TDP1: variants seen among roughly 807,000 people sequenced by gnomAD.
TDP1 encodes tyrosyl-DNA phosphodiesterase 1.
TDP1 carries 64 observed loss-of-function variants against 81.5 expected under a neutral mutation model. The observed-to-expected ratio is 0.79, with a 90% confidence interval of 0.64 to 0.97. TDP1 has a LOEUF of 0.97. TDP1 is among the 50% of genes least tolerant of loss of function. The pLI is 0.00. For missense variants in TDP1, 723 were observed against 743.8 expected, an observed-to-expected ratio of 0.97 and a Z score of 0.33; for synonymous variants, 256 against 264.3, an observed-to-expected ratio of 0.97 and a Z score of 0.30.
In TDP1 at chr14:90,026,761, C is replaced by T. The variant is rs545891119; in HGVS notation, c.1645-6345C>T. 3.9e-5 allele frequency among the ~76,000 whole-genome samples: 6 copies of T among 152,296 alleles called. No homozygotes were observed. In the East Asian group the frequency reaches 9.7e-4, roughly 25 times the overall value. On this transcript the variant is annotated intron_variant, in intron 15 of 16. Coordinates refer to ENST00000335725, the MANE Select transcript of TDP1 (RefSeq NM_018319.4). Reference sequence around the variant, plus strand: ...TGCTGAGAATGATGGTTTCCAGCTTCATCCATGTCCCTACAAAGGACATGA... The same window carrying T: ...TGCTGAGAATGATGGTTTCCAGCTTTATCCATGTCCCTACAAAGGACATGA...
chr14:89,962,838 C>A, intron 2 of TDP1: 1 of 848,708 alleles, frequency 1.2e-6, no homozygotes, highest in Non-Finnish European at 1.4e-6. Context: ...AACCACTGCA[C>A]CACTCCAGCT....
At chr14:89,973,886 G>C (rs1399930086) in intron 6 of TDP1, among the ~76,000 whole-genome samples, 1 of 152,088 alleles carries the variant, frequency 6.6e-6, no homozygotes, top group African/African-American at 2.4e-5. Context: ...CCAGCTTATA[G>C]ATGGCCACGT....
At chr14:90,014,492 C>G (rs79551611) in intron 14 of TDP1, among the ~76,000 whole-genome samples, 8,264 of 152,212 alleles carry the variant, frequency 0.054, 371 homozygotes, top group African/African-American at 0.12. Flanking sequence ...AGTACAGCTG[C>G]TTGGTCTCCA....
Position 89,995,217 on chromosome 14 carries a change from T to C in TDP1, c.1541+1734T>C, listed in dbSNP as rs34597173. On this transcript the variant is annotated intron_variant, in intron 14 of 16. Coordinates refer to ENST00000335725, the MANE Select transcript of TDP1 (RefSeq NM_018319.4). ...ATGAATAGCAACAACATTCATTCAG[T>C]AATTTCAATATGCCAGACTGTTCTG... Among the ~76,000 whole-genome samples, 903 of 152,350 alleles carry C rather than the reference T, an allele frequency of 5.9e-3. 6 individuals are homozygous for C. Among genetic ancestry groups the C allele is most frequent in the African/African-American group, 0.021 (867 of 41,580 alleles).
At chr14:89,973,569 C>T (rs781615923) in intron 6 of TDP1, among the ~76,000 whole-genome samples, 1 of 152,136 alleles carries the variant, frequency 6.6e-6, no homozygotes, top group Non-Finnish European at 1.5e-5. Flanking sequence ...TTTCTAGCAA[C>T]GTGAGTCATT....
At chr14:90,036,151 AAATAAT>A (rs748824685) in intron 16 of TDP1, among the ~76,000 whole-genome samples, 1 of 152,148 alleles carries the variant, frequency 6.6e-6, no homozygotes, top group Admixed American at 6.5e-5. Flanking sequence ...GCTTAAGCTA[AAATAAT>A]AATAATAAAT....
intron 3 of TDP1, 116 bp from the exon 4 acceptor site, chr14:89,966,031 T>TTAC: frequency 1.0e-6 from 1 of 991,990 alleles, no homozygotes; most frequent in East Asian, 2.4e-5. Flanking sequence ...ACTGTTTAGC[T>TTAC]TACTGTGTTC....
At position 89,975,776 on chromosome 14, in the gene TDP1, C is replaced by T. The variant is rs960881303; in HGVS notation, c.757-5C>T. 1 of 1,610,956 alleles carries T rather than the reference C, an allele frequency of 6.2e-7. No individual in the cohort carries two copies. Among genetic ancestry groups the T allele is most frequent in the African/African-American group, 1.3e-5 (1 of 74,868 alleles). On this transcript the variant is annotated splice_region_variant and splice_polypyrimidine_tract_variant and intron_variant, in intron 6 of 16. Coordinates refer to ENST00000335725, the MANE Select transcript of TDP1 (RefSeq NM_018319.4). ...TTTAAATAAATGACTTCTTTTTCAT[C>T]CTAGGCAAAGTTGGATATTGCGTTT...
intron 15 of TDP1, among the ~76,000 whole-genome samples, chr14:90,031,334 C>A (rs1460553033): frequency 6.7e-6 from 1 of 149,360 alleles, no homozygotes; most frequent in Non-Finnish European, 1.5e-5. Flanking sequence ...GTTCAGTTCC[C>A]ACCTATGAGT....
Position 89,984,695 on chromosome 14 carries a change from C to T in TDP1, c.1052+12C>T. ...CTCTCTGAAACAAAGTATGTGTCAG[C>T]TTATCAATTTGGGGTGCTTATGATA... On this transcript the variant is annotated intron_variant, in intron 9 of 16. Coordinates refer to ENST00000335725, the MANE Select transcript of TDP1 (RefSeq NM_018319.4). 1 of 1,613,128 alleles carries T rather than the reference C, an allele frequency of 6.2e-7. No individual in the cohort carries two copies. Among genetic ancestry groups the T allele is most frequent in the Middle Eastern group, 1.6e-4 (1 of 6,062 alleles).
At chr14:90,001,459 C>T (rs1475733280) in intron 14 of TDP1, among the ~76,000 whole-genome samples, 1 of 152,120 alleles carries the variant, frequency 6.6e-6, no homozygotes, top group Non-Finnish European at 1.5e-5. Context: ...TTAGAAGTTT[C>T]CTTTTACTGT....
In TDP1 at chr14:89,991,949, G is replaced by C; in HGVS notation, c.1399G>C (p.Ala467Pro). Residue 467 changes from alanine to proline, a missense_variant, in exon 13 of 17, where the codon GCT (alanine) becomes CCT (proline). Coordinates refer to ENST00000335725, the MANE Select transcript of TDP1 (RefSeq NM_018319.4). ...GGSLPYSIQT[A>P]EKQNWLHSYF... is the part of the protein sequence containing the mutation. The stretch of plus-strand genomic sequence containing the variant: ...CTCTCTTCCCTATAGCATCCAGACA[G>C]CTGAAAAACAGAATTGGCTGCATTC... 1 of 1,612,650 alleles carries C rather than the reference G, an allele frequency of 6.2e-7. No individual in the cohort carries two copies. Among genetic ancestry groups the C allele is most frequent in the Non-Finnish European group, 8.5e-7 (1 of 1,179,580 alleles).
chr14:90,014,205 CAG>C, intron 14 of TDP1, among the ~76,000 whole-genome samples: 1 of 152,166 alleles, frequency 6.6e-6, no homozygotes, highest in East Asian at 1.9e-4. Context: ...ATGCTTGAGA[CAG>C]AAATTGGACA....
intron 16 of TDP1, among the ~76,000 whole-genome samples, chr14:90,040,579 C>T (rs1186042079): frequency 1.3e-5 from 2 of 152,212 alleles, no homozygotes; most frequent in African/African-American, 4.8e-5. Context: ...TCATGCATGG[C>T]TTATTCCCCT....
At chr14:90,009,637 T>A (rs1884460533) in intron 14 of TDP1, among the ~76,000 whole-genome samples, 1 of 152,128 alleles carries the variant, frequency 6.6e-6, no homozygotes, top group Non-Finnish European at 1.5e-5. Context: ...GCCAGTGCAA[T>A]AAGGCAAAAA....
At chr14:89,988,831 CTG>C (rs1596565547) in intron 10 of TDP1, 72 bp from the exon 11 acceptor site, 2 of 1,599,224 alleles carry the variant, frequency 1.3e-6, no homozygotes, top group East Asian at 4.5e-5. Flanking sequence ...GAGCAGAAAA[CTG>C]TTTTCAAATA....
intron 14 of TDP1, among the ~76,000 whole-genome samples, chr14:90,002,194 G>A (rs1897245831): frequency 1.3e-5 from 2 of 152,126 alleles, no homozygotes; most frequent in African/African-American, 4.8e-5. Flanking sequence ...TTTAATAGCT[G>A]TAACCCATCA....
At chr14:89,995,441 A>C (rs1259540873) in intron 14 of TDP1, among the ~76,000 whole-genome samples, 1 of 152,192 alleles carries the variant, frequency 6.6e-6, no homozygotes, top group African/African-American at 2.4e-5. Flanking sequence ...TTCTACAAAG[A>C]CTAGTTAATT....
At chr14:90,008,097 C>G (rs1379924738) in intron 14 of TDP1, among the ~76,000 whole-genome samples, 1 of 152,128 alleles carries the variant, frequency 6.6e-6, no homozygotes, top group Non-Finnish European at 1.5e-5. Context: ...TTAGTCTCAG[C>G]AGGGTTTGTT....
Sources: gnomAD v4.1 joint callset for allele counts (sites outside exome capture counted in the v4.1 genomes callset) on GRCh38, gnomAD v4.1.1 for gene constraint, MANE v1.5 for transcripts, NCBI Gene and HGNC (gene_info 2026-07-23, HGNC 2026-07-21) for gene names.